Variants in HACE1 observed in about 807,000 individuals in gnomAD.
HACE1 encodes HECT domain and ankyrin repeat containing E3 ubiquitin protein ligase 1.
In HACE1, 73 loss-of-function variants were observed where a neutral mutation model predicts 118.4. The ratio of observed to expected loss-of-function variants is 0.62; its 90% CI spans 0.51 to 0.75. The LOEUF (loss-of-function observed/expected upper bound fraction) is 0.75. Ranked by LOEUF, HACE1 falls within the 30% of genes least tolerant of loss-of-function variation. HACE1 has a pLI of 0.00. For synonymous variants in HACE1, 368 were observed against 374.8 expected (o/e 0.98, Z 0.21); for missense variants, 749 against 1,102.2 (o/e 0.68, Z 4.54).
chr6:104,742,602 CCACAA>C lies in HACE1; in HGVS notation c.2513+1553_2513+1557del, dbSNP rs1265502465. On this transcript the variant is annotated intron_variant, in intron 22 of 23. Coordinates refer to ENST00000262903, the MANE Select transcript of HACE1 (RefSeq NM_020771.4). Reference sequence around the variant, plus strand: ...GCCATCAGAGAAATGCAAATCAAAACCACAATGAGATACCGTCTCACACCAGTTAG... The same window carrying C: ...GCCATCAGAGAAATGCAAATCAAAACTGAGATACCGTCTCACACCAGTTAG... Among the ~76,000 whole-genome samples, 4 of 151,498 alleles carry C rather than the reference CCACAA, an allele frequency of 2.6e-5. No individual in the cohort carries two copies. The East Asian group carries it at 7.8e-4, about 30-fold the overall frequency.
rs913519363 is a variant in HACE1, at chr6:104,821,670, T to C, written c.535-10277A>G. On this transcript the variant is annotated intron_variant, in intron 6 of 23. Coordinates refer to ENST00000262903, the MANE Select transcript of HACE1 (RefSeq NM_020771.4). ...AGTGTCAAAGAGATCATGTAATTTG[T>C]ACCCCAACACATAAGTAAACATTGA... 5.2e-4 allele frequency among the ~76,000 whole-genome samples: 79 copies of C among 152,328 alleles called. 1 individual carries two copies. Among genetic ancestry groups the C allele is most frequent in the Admixed American group, 5.0e-3 (76 of 15,312 alleles).
intron 19 of HACE1, among the ~76,000 whole-genome samples, chr6:104,751,890 TA>T (rs1327913796): frequency 2.2e-5 from 3 of 138,488 alleles, no homozygotes; most frequent in Non-Finnish European, 3.1e-5. Context: ...CCTCTTCCTT[TA>T]TTTTTCTTTT....
chr6:104,738,215 G>T lies in HACE1; in HGVS notation c.2513+5945C>A, dbSNP rs184564850. On this transcript the variant is annotated intron_variant, in intron 22 of 23. Transcript: ENST00000262903. ...TAAGTAGATAAAACCACAAAGATGG[G>T]GAAAAAACAGAACAGAAAAACCGGA... 8.5e-4 allele frequency among the ~76,000 whole-genome samples: 130 copies of T among 152,208 alleles called. 1 individual carries two copies. The highest frequency in any genetic ancestry group is 4.8e-3 in the South Asian group (23 of 4,826).
At chr6:104,832,913 A>C in intron 6 of HACE1, 129 bp downstream of exon 6, 1 of 873,434 alleles carries the variant, frequency 1.1e-6, no homozygotes, top group Admixed American at 1.9e-5. Flanking sequence ...AAAAAAGTCC[A>C]TATGATGCAG....
chr6:104,847,840 C>T (rs963688021), intron 4 of HACE1, among the ~76,000 whole-genome samples: 3 of 151,780 alleles, frequency 2.0e-5, no homozygotes, highest in Non-Finnish European at 4.4e-5. Flanking sequence ...TGTTTTGAGA[C>T]AGAGTTTCCC....
intron 7 of HACE1, among the ~76,000 whole-genome samples, chr6:104,807,166 GGCGT>G (rs1214910826): frequency 6.6e-6 from 1 of 152,024 alleles, no homozygotes; most frequent in South Asian, 2.1e-4. Flanking sequence ...TGAGACTACA[GGCGT>G]GCGCCACAAT....
At chr6:104,858,948 T>A (rs1278083763) in intron 1 of HACE1, among the ~76,000 whole-genome samples, 6 of 152,214 alleles carry the variant, frequency 3.9e-5, no homozygotes, top group African/African-American at 1.4e-4. Context: ...TGCGTCCTAG[T>A]TACCAGCTAG....
At chr6:104,792,774 G>A (rs1783164777) in intron 10 of HACE1, among the ~76,000 whole-genome samples, 1 of 152,086 alleles carries the variant, frequency 6.6e-6, no homozygotes, top group Admixed American at 6.5e-5. Context: ...CCAGGCATAA[G>A]TATTTCTTGT....
At chr6:104,839,914 G>C (rs968171013) in intron 5 of HACE1, among the ~76,000 whole-genome samples, 1 of 152,172 alleles carries the variant, frequency 6.6e-6, no homozygotes, top group Non-Finnish European at 1.5e-5. Flanking sequence ...ACTGAGGCAG[G>C]AGAATTGCTT....
At chr6:104,785,452 C>G in intron 11 of HACE1, 133 bp from the exon 12 acceptor site, 1 of 652,498 alleles carries the variant, frequency 1.5e-6, no homozygotes. Flanking sequence ...CCCAAGTTAA[C>G]GTGATAGTAA....
intron 7 of HACE1, 64 bp downstream of exon 7, chr6:104,811,243 TATAC>T (rs1274780146): frequency 1.4e-5 from 3 of 221,658 alleles, no homozygotes; most frequent in Non-Finnish European, 2.4e-5. Context: ...TTTCTTTATT[TATAC>T]ATATATATAT....
rs191217569 is a variant in HACE1 at position 104,732,532 on chromosome 6, C to T, written c.2514-2116G>A. ...ACATAAAATTGGTGGTTGTTAGAGG[C>T]GGGTGGGAAAGGAGGAGGGGGAGTT... On this transcript the variant is annotated intron_variant, in intron 22 of 23. Coordinates refer to ENST00000262903, the MANE Select transcript of HACE1 (RefSeq NM_020771.4). Among the ~76,000 whole-genome samples, 18 of 151,826 alleles carry T rather than the reference C, an allele frequency of 1.2e-4. No homozygotes were observed. In the East Asian group the frequency reaches 2.5e-3, roughly 21 times the overall value.
chr6:104,830,789 G>A lies in HACE1; in HGVS notation c.534+2253C>T, dbSNP rs1479943900. 3.5e-5 allele frequency among the ~76,000 whole-genome samples: 5 copies of A among 143,388 alleles called. No individual in the cohort carries two copies. In the South Asian group the frequency reaches 1.1e-3, roughly 31 times the overall value. The allele number at this position is 143,388 out of a possible 152,430, so 94.1% of individuals were successfully genotyped here. ...TTTTTTTTTTTTGAAGAGACGAGGT[G>A]CAGTGGTAATTCACTAGCATGATCC... On this transcript the variant is annotated intron_variant, in intron 6 of 23. Transcript: ENST00000262903.
Position 104,841,886 on chromosome 6 carries a change from G to A in HACE1, c.402+1337C>T, listed in dbSNP as rs114564400. On this transcript the variant is annotated intron_variant, in intron 5 of 23. Coordinates refer to ENST00000262903, the MANE Select transcript of HACE1 (RefSeq NM_020771.4). ...TGCTCCATTAAATAATGACAATTTG[G>A]TTAAAACTTTGGGATTTCAACAATC... Among the ~76,000 whole-genome samples the A allele has an allele frequency of 2.6e-3, 399 of 152,112 alleles. 3 individuals are homozygous for A. The highest frequency in any genetic ancestry group is 9.3e-3 in the African/African-American group (387 of 41,496).
intron 21 of HACE1, 38 bp downstream of exon 21, chr6:104,744,473 CA>C (rs747889125): frequency 8.7e-7 from 1 of 1,153,680 alleles, no homozygotes; most frequent in Non-Finnish European, 1.3e-6. Context: ...AATTAAACGG[CA>C]AAACTTAACT....
intron 11 of HACE1, 153 bp from the exon 12 acceptor site, chr6:104,785,472 GT>G: frequency 1.6e-6 from 1 of 615,404 alleles, no homozygotes; most frequent in Non-Finnish European, 2.9e-6. Context: ...ATGCCTAAAG[GT>G]AAGTAATAAA....
intron 19 of HACE1, among the ~76,000 whole-genome samples, chr6:104,754,646 A>G (rs1485935688): frequency 1.3e-5 from 2 of 152,246 alleles, no homozygotes; most frequent in African/African-American, 4.8e-5. Flanking sequence ...ATTCTTAAAG[A>G]AAAGAATTTC....
intron 19 of HACE1, among the ~76,000 whole-genome samples, chr6:104,757,580 G>A (rs1300040345): frequency 6.6e-6 from 1 of 152,156 alleles, no homozygotes; most frequent in African/African-American, 2.4e-5. Context: ...AAACCACAAA[G>A]ATGGGGAGAA....
chr6:104,745,508 G>A (rs1287903600), intron 20 of HACE1, among the ~76,000 whole-genome samples: 3 of 148,358 alleles, frequency 2.0e-5, no homozygotes, highest in African/African-American at 7.6e-5. Context: ...GTGCAGTGGC[G>A]CGGCTCACTG....
Sources: gnomAD v4.1 joint callset for allele counts (sites outside exome capture counted in the v4.1 genomes callset) on GRCh38, gnomAD v4.1.1 for gene constraint, MANE v1.5 for transcripts, NCBI Gene and HGNC (gene_info 2026-07-23, HGNC 2026-07-21) for gene names.